The following ALOX5AP variants were observed in gnomAD, a reference collection of about 807,000 sequenced individuals.
ALOX5AP encodes the protein arachidonate 5-lipoxygenase-activating protein.
A neutral mutation model predicts 18.5 loss-of-function variants in ALOX5AP; 9 were observed. The observed-to-expected ratio is 0.49, with a 90% CI of 0.29 to 0.85. The LOEUF (loss-of-function observed/expected upper bound fraction) is 0.85, where lower values mean the gene tolerates loss of function less well. Ranked by LOEUF, ALOX5AP falls within the 40% of genes least tolerant of loss-of-function variation. ALOX5AP has a pLI of 0.08. For missense variants in ALOX5AP, 172 were observed against 202.5 expected (o/e 0.85, Z 0.91); for synonymous variants, 81 against 78.6 (o/e 1.03, Z -0.16).
chr13:30,724,590 C>T (rs912668268), intron 1 of ALOX5AP, among the ~76,000 whole-genome samples: 3 of 152,202 alleles, frequency 2.0e-5, no homozygotes, highest in African/African-American at 7.2e-5. Context: ...TGAACCCCAG[C>T]ATAGCACCTA....
At chr13:30,739,083 C>A (rs1007265575) in intron 1 of ALOX5AP, among the ~76,000 whole-genome samples, 5 of 151,990 alleles carry the variant, frequency 3.3e-5, no homozygotes, top group African/African-American at 7.3e-5. Flanking sequence ...AACCCCCAAC[C>A]ACCCCCCTCC....
intron 1 of ALOX5AP, among the ~76,000 whole-genome samples, chr13:30,723,435 G>C (rs147934851): frequency 1.3e-4 from 20 of 152,236 alleles, no homozygotes; most frequent in Non-Finnish European, 2.8e-4. Context: ...ACAGATGAAT[G>C]GTCCTATTAC....
intron 2 of ALOX5AP, among the ~76,000 whole-genome samples, chr13:30,746,600 G>C (rs1420608291): frequency 1.3e-5 from 2 of 152,222 alleles, no homozygotes; most frequent in Non-Finnish European, 2.9e-5. Context: ...GAAACCACTG[G>C]GAATGGGGTT....
chr13:30,752,315 C>A (rs771922376), intron 3 of ALOX5AP, among the ~76,000 whole-genome samples, 193 bp downstream of exon 3: 1 of 152,210 alleles, frequency 6.6e-6, no homozygotes, highest in African/African-American at 2.4e-5. Flanking sequence ...TGTGATAATG[C>A]ATTGCTAATG....
At chr13:30,731,450 T>C (rs1316411440), upstream of ALOX5AP, among the ~76,000 whole-genome samples, 2 of 151,778 alleles carry the variant, frequency 1.3e-5, no homozygotes. Context: ...CACAGCTCAC[T>C]GAAGCCTCCA....
chr13:30,714,288 G>A (rs1181990463), intron 1 of ALOX5AP, among the ~76,000 whole-genome samples: 1 of 151,352 alleles, frequency 6.6e-6, no homozygotes, highest in Admixed American at 6.6e-5. Flanking sequence ...TCCATTGGAA[G>A]CTGGGTGATC....
chr13:30,762,460 G>T (rs189051348), intron 4 of ALOX5AP, among the ~76,000 whole-genome samples: 1 of 152,038 alleles, frequency 6.6e-6, no homozygotes, highest in African/African-American at 2.4e-5. Flanking sequence ...GTGGTGGCAG[G>T]TGCCTGTAAT....
chr13:30,751,677 C>G (rs1951852749), intron 2 of ALOX5AP, among the ~76,000 whole-genome samples: 1 of 152,190 alleles, frequency 6.6e-6, no homozygotes. Context: ...GGGCTCTTCT[C>G]CCCGACCACC....
intron 1 of ALOX5AP, chr13:30,742,316 T>TAA (rs35368925): frequency 3.7e-5 from 5 of 135,710 alleles, no homozygotes; most frequent in Non-Finnish European, 6.4e-5. Context: ...ACTCCGTATC[T>TAA]AAAAAAAAAA....
upstream of ALOX5AP, among the ~76,000 whole-genome samples, chr13:30,735,009 T>C (rs1325828204): frequency 6.6e-6 from 1 of 152,074 alleles, no homozygotes; most frequent in Non-Finnish European, 1.5e-5. Flanking sequence ...TACATTTGTG[T>C]GTGCGTGTGT....
upstream of ALOX5AP, among the ~76,000 whole-genome samples, chr13:30,733,272 G>T (rs1951696000): frequency 6.6e-6 from 1 of 151,328 alleles, no homozygotes; most frequent in African/African-American, 2.5e-5. Context: ...CAGATTTTTA[G>T]ACTCTTTGAG....
intron 1 of ALOX5AP, 126 bp downstream of exon 1, chr13:30,735,801 T>C (rs967058992): frequency 8.9e-7 from 1 of 1,122,750 alleles, no homozygotes; most frequent in Non-Finnish European, 1.2e-6. Flanking sequence ...CTTATCTTTA[T>C]TTTCTTCTTT....
chr13:30,755,623 G>C (rs947078968), intron 3 of ALOX5AP, among the ~76,000 whole-genome samples: 8 of 152,128 alleles, frequency 5.3e-5, no homozygotes, highest in African/African-American at 1.7e-4. Flanking sequence ...ATGAGCTAAA[G>C]AAAAAACGTT....
intron 2 of ALOX5AP, among the ~76,000 whole-genome samples, chr13:30,746,936 T>C (rs540541992): frequency 3.9e-5 from 6 of 152,358 alleles, no homozygotes; most frequent in Non-Finnish European, 8.8e-5. Flanking sequence ...TACTGGTGGA[T>C]TAAAAAGACA....
chr13:30,743,570 C>T (rs1231237344), intron 1 of ALOX5AP, among the ~76,000 whole-genome samples: 8 of 152,006 alleles, frequency 5.3e-5, no homozygotes, highest in African/African-American at 1.7e-4. Context: ...CAGTTCTTTA[C>T]CCTGAACCTT....
chr13:30,754,097 G>T (rs1951872977), intron 3 of ALOX5AP, among the ~76,000 whole-genome samples: 3 of 152,128 alleles, frequency 2.0e-5, no homozygotes, highest in African/African-American at 7.2e-5. Flanking sequence ...AAATTAGCTG[G>T]GCGTGGTGGT....
chr13:30,763,360 C>T (rs929064708), intron 4 of ALOX5AP, among the ~76,000 whole-genome samples: 1 of 152,184 alleles, frequency 6.6e-6, no homozygotes, highest in Admixed American at 6.5e-5. Context: ...GTCTCTCCCT[C>T]CACTCAAAAA....
intron 1 of ALOX5AP, among the ~76,000 whole-genome samples, chr13:30,715,327 A>G (rs1951541762): frequency 6.6e-6 from 1 of 152,224 alleles, no homozygotes. Context: ...TGCCTGGCAC[A>G]TTTACTGCAC....
intron 4 of ALOX5AP, among the ~76,000 whole-genome samples, chr13:30,762,587 C>CA (rs539920282): frequency 0.098 from 9,882 of 100,682 alleles, 427 homozygotes; most frequent in Non-Finnish European, 0.14. Flanking sequence ...GACTCAGTCT[C>CA]AAAAAAAAAA....
Sources: gnomAD v4.1 joint callset for allele counts (sites outside exome capture counted in the v4.1 genomes callset) on GRCh38, gnomAD v4.1.1 for gene constraint, MANE v1.5 for transcripts, NCBI Gene and HGNC (gene_info 2026-07-23, HGNC 2026-07-21) for gene names.